Variants in CNTNAP5 observed in about 807,000 individuals in gnomAD.
CNTNAP5 encodes contactin-associated protein-like 5.
Under a neutral mutation model 150.2 loss-of-function variants are expected in CNTNAP5, and 72 were observed. The observed-to-expected ratio is 0.48, with a 90% CI of 0.40 to 0.58. CNTNAP5 has a LOEUF of 0.58. CNTNAP5 is among the 20% of genes least tolerant of loss of function. The pLI, the probability that CNTNAP5 is intolerant of heterozygous loss-of-function variation, is 0.00. For synonymous variants in CNTNAP5, 672 were observed against 619.8 expected, an observed-to-expected ratio of 1.08 and a Z score of -1.25; for missense variants, 1,636 against 1,626.2, an observed-to-expected ratio of 1.01 and a Z score of -0.10.
chr2:124,322,020 C>T (rs1429244607), intron 3 of CNTNAP5, among the ~76,000 whole-genome samples: 2 of 151,852 alleles, frequency 1.3e-5, no homozygotes, highest in Non-Finnish European at 2.9e-5. Flanking sequence ...CATATTGGCA[C>T]CCGCCTATAA....
At chr2:124,518,699 T>A (rs145263023) in intron 8 of CNTNAP5, among the ~76,000 whole-genome samples, 145 of 152,120 alleles carry the variant, frequency 9.5e-4, no homozygotes, top group Non-Finnish European at 1.8e-3. Flanking sequence ...AAAAACATAC[T>A]TAATTGACCA....
intron 3 of CNTNAP5, among the ~76,000 whole-genome samples, chr2:124,364,613 C>T (rs75941830): frequency 0.016 from 2,478 of 152,144 alleles, 66 homozygotes; most frequent in African/African-American, 0.056. Flanking sequence ...CTCAAGGAAC[C>T]CTCAGTAAAT....
chr2:124,390,785 G>T (rs1480566849), intron 3 of CNTNAP5, among the ~76,000 whole-genome samples: 3 of 152,122 alleles, frequency 2.0e-5, no homozygotes, highest in African/African-American at 7.2e-5. Context: ...TTGAATAGTG[G>T]TTTTATAGGT....
intron 1 of CNTNAP5, among the ~76,000 whole-genome samples, chr2:124,119,435 A>T (rs1470708080): frequency 5.3e-5 from 8 of 149,606 alleles, no homozygotes; most frequent in African/African-American, 2.0e-4. Context: ...GGCACTTAGT[A>T]TGTACTGGAT....
chr2:124,310,745 T>G (rs570372645), intron 3 of CNTNAP5, among the ~76,000 whole-genome samples: 57 of 152,180 alleles, frequency 3.7e-4, no homozygotes, highest in Non-Finnish European at 7.3e-4. Context: ...CAGTGTCTAA[T>G]GTCATAAAAA....
chr2:124,143,647 T>A (rs1355078902), intron 1 of CNTNAP5, among the ~76,000 whole-genome samples: 2 of 105,976 alleles, frequency 1.9e-5, no homozygotes, highest in Non-Finnish European at 3.8e-5. Context: ...TATTTCAAAA[T>A]AATAAGAGCT....
rs573368705 is a variant in CNTNAP5, at chr2:124,033,051, G to A, written c.82+7319G>A. Among the ~76,000 whole-genome samples the A allele has an allele frequency of 8.5e-5, 13 of 152,284 alleles. No homozygotes were observed. The South Asian group carries it at 2.7e-3, about 32-fold the overall frequency. On this transcript the variant is annotated intron_variant, in intron 1 of 23. Coordinates refer to ENST00000682447, the MANE Select transcript of CNTNAP5 (RefSeq NM_001367498.1). ...GGCTGCTCAGTGGAAAGAGAAACAA[G>A]GGGAAGTTGGGTGTGCTACGCTGAT...
chr2:124,776,971 G>A (rs191823775), intron 17 of CNTNAP5, among the ~76,000 whole-genome samples: 9 of 152,098 alleles, frequency 5.9e-5, no homozygotes, highest in African/African-American at 1.4e-4. Flanking sequence ...AAACATTAAT[G>A]TATGACTTTC....
chr2:124,765,497 T>C (rs1353485880), intron 16 of CNTNAP5, among the ~76,000 whole-genome samples: 1 of 152,060 alleles, frequency 6.6e-6, no homozygotes, highest in Admixed American at 6.6e-5. Context: ...TCTGTATTTT[T>C]AGAAGACAAT....
chr2:124,225,964 A>G (rs1686447486), intron 2 of CNTNAP5, among the ~76,000 whole-genome samples: 1 of 152,106 alleles, frequency 6.6e-6, no homozygotes, highest in South Asian at 2.1e-4. Context: ...TTTTTTATGG[A>G]TGAATAATAT....
chr2:124,368,321 G>C (rs1193861138), intron 3 of CNTNAP5, among the ~76,000 whole-genome samples: 1 of 152,146 alleles, frequency 6.6e-6, no homozygotes, highest in Non-Finnish European at 1.5e-5. Context: ...TTGACATACA[G>C]ATCAAAACTT....
intron 13 of CNTNAP5, among the ~76,000 whole-genome samples, chr2:124,657,870 A>G (rs1015078509): frequency 1.3e-5 from 2 of 152,190 alleles, no homozygotes; most frequent in African/African-American, 4.8e-5. Context: ...ACGTACAACT[A>G]AAGTATTCAC....
At chr2:124,533,383 A>G (rs1480803367) in intron 10 of CNTNAP5, among the ~76,000 whole-genome samples, 1 of 152,138 alleles carries the variant, frequency 6.6e-6, no homozygotes, top group Non-Finnish European at 1.5e-5. Context: ...TGGAGCCTGG[A>G]AATTTGCATT....
At chr2:124,334,858 AG>A (rs1689432574) in intron 3 of CNTNAP5, among the ~76,000 whole-genome samples, 1 of 152,062 alleles carries the variant, frequency 6.6e-6, no homozygotes, top group Admixed American at 6.6e-5. Flanking sequence ...TCCAACTTAA[AG>A]AATATATTGT....
At chr2:124,476,866 G>A (rs1693652000) in intron 7 of CNTNAP5, among the ~76,000 whole-genome samples, 2 of 152,176 alleles carry the variant, frequency 1.3e-5, no homozygotes, top group Admixed American at 6.5e-5. Flanking sequence ...GCTATAGACA[G>A]CAGTCTTTTA....
At chr2:124,376,366 C>T (rs1690649545) in intron 3 of CNTNAP5, among the ~76,000 whole-genome samples, 1 of 151,994 alleles carries the variant, frequency 6.6e-6, no homozygotes, top group African/African-American at 2.4e-5. Flanking sequence ...ATTACTGGTT[C>T]AGAACAAGAA....
At chr2:124,490,021 G>T (rs2104848469) in intron 7 of CNTNAP5, among the ~76,000 whole-genome samples, 1 of 152,194 alleles carries the variant, frequency 6.6e-6, no homozygotes, top group East Asian at 1.9e-4. Context: ...TCACTACCAA[G>T]AAATGGAGGA....
rs1212532791 is a variant in CNTNAP5, at chr2:124,586,227, A to T, written c.1756+22904A>T. ...GAATGAGCTGTGCTATCTTATCTTT[A>T]GAGATTATTTTCTAGTTGTATGACT... On this transcript the variant is annotated intron_variant, in intron 11 of 23. Coordinates refer to ENST00000682447, the MANE Select transcript of CNTNAP5 (RefSeq NM_001367498.1). 2.6e-5 allele frequency among the ~76,000 whole-genome samples: 4 copies of T among 152,324 alleles called. No homozygotes were observed. In the East Asian group the frequency reaches 7.7e-4, roughly 29 times the overall value.
chr2:124,247,010 C>G (rs1487458495), intron 3 of CNTNAP5, among the ~76,000 whole-genome samples: 2 of 152,112 alleles, frequency 1.3e-5, no homozygotes, highest in Non-Finnish European at 2.9e-5. Context: ...GAAGGACTTG[C>G]ATTTGTTACC....
Sources: allele counts gnomAD v4.1 joint callset (sites outside exome capture counted in the v4.1 genomes callset), GRCh38; gene constraint gnomAD v4.1.1; transcripts MANE v1.5; gene names NCBI Gene and HGNC (gene_info 2026-07-23, HGNC 2026-07-21).